Variants in CHEK1 observed in about 807,000 individuals in gnomAD.
CHEK1 encodes the protein checkpoint kinase 1.
Under a neutral mutation model 60.2 loss-of-function variants are expected in CHEK1, and 32 were observed. The ratio of observed to expected loss-of-function variants is 0.53; its 90% CI spans 0.40 to 0.71. The LOEUF (loss-of-function observed/expected upper bound fraction) is 0.71, where lower values mean the gene tolerates loss of function less well. Among genes scored for constraint, CHEK1 ranks in the 30% least tolerant of loss-of-function variants. CHEK1 has a pLI of 0.00. For missense variants in CHEK1, 399 were observed against 564.6 expected (o/e 0.71, Z 2.97); for synonymous variants, 179 against 187.2 (o/e 0.96, Z 0.36).
At chr11:125,649,265 C>G (rs1249484598) in intron 11 of CHEK1, among the ~76,000 whole-genome samples, 4 of 152,126 alleles carry the variant, frequency 2.6e-5, no homozygotes, top group African/African-American at 9.7e-5. Flanking sequence ...TAGTGCAATG[C>G]AGCCTCAAAT....
chr11:125,646,946 G>A (rs1196411015), intron 11 of CHEK1, among the ~76,000 whole-genome samples: 1 of 151,998 alleles, frequency 6.6e-6, no homozygotes, highest in Non-Finnish European at 1.5e-5. Flanking sequence ...GTCGTTTGAT[G>A]TACTCAAGTT....
chr11:125,626,662 G>T, intron 1 of CHEK1, 87 bp from the exon 2 acceptor site: 1 of 1,170,708 alleles, frequency 8.5e-7, no homozygotes, highest in South Asian at 1.2e-5. Flanking sequence ...GTTAATTTTC[G>T]TGGGCAATCC....
rs2136062205 is a variant in CHEK1 at position 125,653,983 on chromosome 11, T to C, written c.1335+136T>C. On this transcript the variant is annotated intron_variant, in intron 12 of 12. Transcript: ENST00000438015. The surrounding 1 kb of genome is among the most constrained non-coding windows in gnomAD (Gnocchi z 4.3). ...TTCGTTTAATATTATGAGCATGTGT[T>C]TTCGTTATCTATTTTTCCCGAACAT... The C allele has an allele frequency of 1.3e-5, 7 of 524,514 alleles. No homozygotes were observed. The South Asian group carries it at 1.9e-4, about 15-fold the overall frequency. 32.5% of individuals were successfully genotyped at this position (524,514 alleles called of 1,614,324 possible).
rs1940550055 is a variant in CHEK1 at position 125,625,587 on chromosome 11, G to C, written c.-446G>C. 3.4e-6 allele frequency: 2 copies of C among 591,374 alleles called. No homozygotes were observed. The highest frequency in any genetic ancestry group is 6.0e-6 in the Non-Finnish European group (2 of 330,906). 36.6% of individuals were successfully genotyped at this position (591,374 alleles called of 1,614,324 possible). On this transcript the variant is annotated 5_prime_UTR_variant, in exon 1 of 13. Transcript: ENST00000438015. ...CGCAGGTGGCGGTGCAGCCTTTCAGGCCCAGAGCGGCCAGGAGCGAAGCCC... is the reference window on the plus strand; with the variant it reads ...CGCAGGTGGCGGTGCAGCCTTTCAGCCCCAGAGCGGCCAGGAGCGAAGCCC...
rs575493274 is a variant in CHEK1 at position 125,640,279 on chromosome 11, C to T, written c.814+2735C>T. Among the ~76,000 whole-genome samples the T allele has an allele frequency of 5.9e-5, 9 of 152,268 alleles. No homozygotes were observed. The South Asian group carries it at 1.9e-3, about 32-fold the overall frequency. On this transcript the variant is annotated intron_variant, in intron 8 of 12. Transcript: ENST00000438015. ...GGTTTTGGCCGGGCGCGGTGGCTCA[C>T]GCCTGTAATCCCAGCACTTTGGGAG... is the stretch of plus-strand genomic sequence containing the variant.
At chr11:125,666,051 AATTTGGTTCTTTGTTTTAGTT>A (rs1276611528) in intron 13 of CHEK1, among the ~76,000 whole-genome samples, 1 of 150,326 alleles carries the variant, frequency 6.7e-6, no homozygotes, top group African/African-American at 2.4e-5. Context: ...TTTTTAAAAA[AATTTGGTTCTTTGTTTTAGTT>A]CCTTGAGGTG....
downstream of CHEK1, chr11:125,677,749 A>G (rs1190369760): frequency 6.2e-7 from 1 of 1,603,556 alleles, no homozygotes; most frequent in Non-Finnish European, 8.5e-7. Flanking sequence ...TGTGTTCCCC[A>G]TTTCCCACCT....
At chr11:125,647,476 AGTTT>A (rs1221536750) in intron 11 of CHEK1, among the ~76,000 whole-genome samples, 1 of 151,442 alleles carries the variant, frequency 6.6e-6, no homozygotes, top group Non-Finnish European at 1.5e-5. Flanking sequence ...GAGTTGTCCA[AGTTT>A]GTTCTTTTTT....
chr11:125,660,925 G>A (rs889711237), downstream of CHEK1, among the ~76,000 whole-genome samples: 29 of 151,836 alleles, frequency 1.9e-4, no homozygotes, highest in African/African-American at 7.0e-4. Context: ...ACAGGCATGC[G>A]CCACTACGCC....
rs147872356 is a variant in CHEK1, at chr11:125,644,866, G to A, written c.1233+223G>A. On this transcript the variant is annotated intron_variant, in intron 11 of 12. Transcript: ENST00000438015. ...TCTACTAAAAGCACAAAAATTAGCC[G>A]GCCTGGTGGTGCATGGCTGTAATCC... Among the ~76,000 whole-genome samples the A allele has an allele frequency of 7.0e-4, 107 of 151,980 alleles. No individual in the cohort carries two copies. In the East Asian group the frequency reaches 0.015, roughly 21 times the overall value.
chr11:125,676,400 G>A, downstream of CHEK1: 1 of 1,614,122 alleles, frequency 6.2e-7, no homozygotes, highest in Non-Finnish European at 8.5e-7. Context: ...GGAATTCTGA[G>A]TGATGCAGGT....
downstream of CHEK1, chr11:125,678,258 T>G: frequency 6.2e-7 from 1 of 1,614,128 alleles, no homozygotes; most frequent in Non-Finnish European, 8.5e-7. Context: ...AGTTTGATGA[T>G]CTATGGAGCC....
chr11:125,626,488 CAATT>C (rs1940618029), intron 1 of CHEK1: 1 of 511,226 alleles, frequency 2.0e-6, no homozygotes, highest in Admixed American at 3.3e-5. Flanking sequence ...TTCATAACAA[CAATT>C]AATTTCCTCT....
chr11:125,632,310 G>A (rs1368658207), intron 5 of CHEK1, among the ~76,000 whole-genome samples: 2 of 152,144 alleles, frequency 1.3e-5, no homozygotes, highest in Non-Finnish European at 2.9e-5. Flanking sequence ...ATAGAAGTGG[G>A]AATTGCTAGT....
chr11:125,666,811 G>T (rs1030862188), intron 13 of CHEK1, among the ~76,000 whole-genome samples: 2 of 151,722 alleles, frequency 1.3e-5, no homozygotes, highest in African/African-American at 4.8e-5. Context: ...GGTAATCCTG[G>T]TCTTTTTTGC....
intron 13 of CHEK1, among the ~76,000 whole-genome samples, chr11:125,668,746 G>A (rs959440825): frequency 6.6e-6 from 1 of 151,900 alleles, no homozygotes; most frequent in Non-Finnish European, 1.5e-5. Flanking sequence ...TTTTAGAGAG[G>A]GGGTCTTGCT....
intron 3 of CHEK1, among the ~76,000 whole-genome samples, chr11:125,628,052 G>C (rs985136034): frequency 5.3e-5 from 8 of 152,160 alleles, no homozygotes; most frequent in African/African-American, 1.2e-4. Flanking sequence ...AAGTGATTTT[G>C]ATTTAAGATT....
chr11:125,650,569 G>C (rs904710216), intron 11 of CHEK1, among the ~76,000 whole-genome samples: 1 of 149,744 alleles, frequency 6.7e-6, no homozygotes, highest in African/African-American at 2.5e-5. Context: ...TGAGTCTCCT[G>C]CCTCAGCCTT....
Position 125,653,879 on chromosome 11 carries a change from G to A in CHEK1, c.1335+32G>A, listed in dbSNP as rs1941816981. On this transcript the variant is annotated intron_variant, in intron 12 of 12. Transcript: ENST00000438015. This position sits in a 1 kb window ranked among gnomAD's most constrained non-coding sequence, Gnocchi z 4.3. Reference sequence around the variant, plus strand: ...TTATGTTTTATTGTATTCTTTCTATGGAAATATTTCTATATGAATTTTTTT... The same window carrying A: ...TTATGTTTTATTGTATTCTTTCTATAGAAATATTTCTATATGAATTTTTTT... 7.9e-7 allele frequency: 1 copy of A among 1,260,706 alleles called. No individual in the cohort carries two copies. Among genetic ancestry groups the A allele is most frequent in the African/African-American group, 1.5e-5 (1 of 65,048 alleles). The allele number at this position is 1,260,706 out of a possible 1,614,324, so 78.1% of individuals were successfully genotyped here. A position where few individuals can be genotyped will look rare whatever the true frequency, so the allele number is the denominator to read the frequency against.
Sources: gnomAD v4.1 joint callset for allele counts (sites outside exome capture counted in the v4.1 genomes callset) on GRCh38, gnomAD v4.1.1 for gene constraint, Gnocchi (gnomAD v3.1) non-coding constraint, MANE v1.5 for transcripts, NCBI Gene and HGNC (gene_info 2026-07-23, HGNC 2026-07-21) for gene names.